Variants in LNPEP observed in about 807,000 individuals in gnomAD.
LNPEP encodes leucyl-cystinyl aminopeptidase.
LNPEP carries 64 observed loss-of-function variants against 120.6 expected under a neutral mutation model. The ratio of observed to expected loss-of-function variants is 0.53; its 90% CI spans 0.43 to 0.65. LNPEP has a LOEUF of 0.65. LNPEP is among the 30% of genes least tolerant of loss of function. The probability of loss-of-function intolerance (pLI) is 0.00; values close to 1 mark genes in which losing one functional copy is unlikely to be tolerated. For missense variants in LNPEP, 1,057 were observed against 1,200.0 expected (o/e 0.88, Z 1.76); for synonymous variants, 435 against 425.4 (o/e 1.02, Z -0.28).
Position 96,986,532 on chromosome 5 carries a change from C to CTTT in LNPEP, c.1000-5_1000-4insTTT, listed in dbSNP as rs1790248575. 1 of 1,610,588 alleles carries CTTT rather than the reference C, an allele frequency of 6.2e-7. No homozygotes were observed. ...TTACAGAACTGTCTTTTCCCCTTTG[C>CTTT]TTGTAGAAGTCATCAGTCGTTCTAG... On this transcript the variant is annotated splice_region_variant and splice_polypyrimidine_tract_variant and intron_variant, in intron 3 of 17. Coordinates refer to ENST00000231368, the MANE Select transcript of LNPEP (RefSeq NM_005575.3).
chr5:97,025,273 G>A (rs1407098782), intron 15 of LNPEP, among the ~76,000 whole-genome samples: 3 of 152,184 alleles, frequency 2.0e-5, no homozygotes, highest in Admixed American at 2.0e-4. Context: ...GAGCACAGGT[G>A]TTAGAAGTCG....
Position 97,027,924 on chromosome 5 carries a change from T to C in LNPEP, c.2946+110T>C. On this transcript the variant is annotated intron_variant, in intron 17 of 17. Transcript: ENST00000231368. ...ATTTTCATGCTAATTCCTTCTCTTATCTCTGTCTTCCTTTATCAGTACTAA... is the reference window on the plus strand; with the variant it reads ...ATTTTCATGCTAATTCCTTCTCTTACCTCTGTCTTCCTTTATCAGTACTAA... The C allele has an allele frequency of 4.3e-6, 3 of 703,422 alleles. No individual in the cohort carries two copies. The South Asian group carries it at 4.9e-5, about 11-fold the overall frequency. 43.6% of individuals were successfully genotyped at this position (703,422 alleles called of 1,614,324 possible).
At position 96,964,956 on chromosome 5, in the gene LNPEP, C is replaced by T. The variant is rs577383008; in HGVS notation, c.20-14182C>T. On this transcript the variant is annotated intron_variant, in intron 1 of 17. Transcript: ENST00000231368. ...CTGGTGTTGCAGTTTTTTGTTGATACATAATAGTTATACATATTTTTAGAA... is the reference window on the plus strand; with the variant it reads ...CTGGTGTTGCAGTTTTTTGTTGATATATAATAGTTATACATATTTTTAGAA... Among the ~76,000 whole-genome samples the T allele has an allele frequency of 1.6e-3, 238 of 152,142 alleles. 1 individual carries two copies. The highest frequency in any genetic ancestry group is 2.2e-3 in the Non-Finnish European group (151 of 67,960).
At chr5:96,952,544 T>C (rs1249069948) in intron 1 of LNPEP, among the ~76,000 whole-genome samples, 1 of 152,172 alleles carries the variant, frequency 6.6e-6, no homozygotes, top group Non-Finnish European at 1.5e-5. Flanking sequence ...TTTCTTAAGA[T>C]AGATCTAGGT....
chr5:96,946,485 G>T (rs1040160223), intron 1 of LNPEP, among the ~76,000 whole-genome samples: 1 of 152,198 alleles, frequency 6.6e-6, no homozygotes, highest in Non-Finnish European at 1.5e-5. Context: ...GTTCACTGCA[G>T]TTGGGCATAA....
chr5:96,946,081 TG>T (rs1789179956), intron 1 of LNPEP, among the ~76,000 whole-genome samples: 1 of 152,226 alleles, frequency 6.6e-6, no homozygotes, highest in South Asian at 2.1e-4. Flanking sequence ...GAGGAGCTAG[TG>T]TGTCCACATT....
chr5:96,979,691 G>T lies in LNPEP; in HGVS notation c.573G>T (p.Arg191Ser), dbSNP rs1428237321. 6.2e-7 allele frequency: 1 copy of T among 1,613,904 alleles called. No individual in the cohort carries two copies. The highest frequency in any genetic ancestry group is 1.3e-5 in the African/African-American group (1 of 74,896). The change falls in exon 2 of 18, where the codon AGG (arginine) becomes AGT (serine). Residue 191 changes from arginine (R) to serine (S), a missense_variant. Coordinates refer to ENST00000231368, the MANE Select transcript of LNPEP (RefSeq NM_005575.3). ...LHPNLTSMTF[R>S]GSVTISVQAL... Reference sequence around the variant, plus strand: ...CGAACCTAACCTCGATGACATTCAGGGGTTCTGTGACAATTTCAGTTCAGG... The same window carrying T: ...CGAACCTAACCTCGATGACATTCAGTGGTTCTGTGACAATTTCAGTTCAGG...
intron 1 of LNPEP, among the ~76,000 whole-genome samples, chr5:96,955,041 CA>C (rs1227358147): frequency 1.1e-4 from 16 of 150,018 alleles, no homozygotes; most frequent in Non-Finnish European, 2.1e-4. Flanking sequence ...CTCGGCCTCC[CA>C]AAGTGCTGGG....
chr5:97,015,013 TCACC>T lies in LNPEP; in HGVS notation c.2295_2298del (p.Ile765MetfsTer27). On this transcript the variant is annotated frameshift_variant, in exon 13 of 18. Transcript: ENST00000231368. LOFTEE classifies it high-confidence loss of function. ...GGAAATGAGAACCATACTGCACCCA[TCACC>T]GAAGCCCTGTTTCAGACAGACCTCA... The T allele has an allele frequency of 6.2e-7, 1 of 1,604,898 alleles. No individual in the cohort carries two copies. Among genetic ancestry groups the T allele is most frequent in the Non-Finnish European group, 8.5e-7 (1 of 1,175,136 alleles).
At position 96,979,297 on chromosome 5, in the gene LNPEP, A is replaced by T. The variant is rs141632351; in HGVS notation, c.179A>T (p.Glu60Val). Reference protein sequence around the residue: ...GSRLLVRGLGEHEMEEDEEDY... With the variant: ...GSRLLVRGLGVHEMEEDEEDY... ...CGACTGCTGGTGCGGGGTCTTGGTG[A>T]GCATGAGATGGAGGAGGATGAAGAG... The change falls in exon 2 of 18, where the codon GAG becomes GTG. Residue 60 changes from glutamate (E) to valine (V), a missense_variant. Coordinates refer to ENST00000231368, the MANE Select transcript of LNPEP (RefSeq NM_005575.3). 18 of 1,613,908 alleles carry T rather than the reference A, an allele frequency of 1.1e-5. No individual in the cohort carries two copies. The highest frequency in any genetic ancestry group is 1.5e-5 in the Non-Finnish European group (18 of 1,179,950).
chr5:96,973,227 G>A (rs1439999919), intron 1 of LNPEP, among the ~76,000 whole-genome samples: 1 of 152,034 alleles, frequency 6.6e-6, no homozygotes, highest in East Asian at 1.9e-4. Context: ...CTTTGAGTAT[G>A]GGTTTAGCGG....
At chr5:96,976,327 T>C (rs1789993308) in intron 1 of LNPEP, among the ~76,000 whole-genome samples, 1 of 152,162 alleles carries the variant, frequency 6.6e-6, no homozygotes, top group Non-Finnish European at 1.5e-5. Context: ...AAGATTAAAA[T>C]TCTACGTTGG....
chr5:96,956,184 C>G (rs1789462265), intron 1 of LNPEP, among the ~76,000 whole-genome samples: 1 of 152,190 alleles, frequency 6.6e-6, no homozygotes, highest in Non-Finnish European at 1.5e-5. Context: ...ATTCTGAATA[C>G]AGGCTTATAC....
chr5:97,006,344 C>T, intron 10 of LNPEP, 83 bp from the exon 11 acceptor site: 2 of 1,239,874 alleles, frequency 1.6e-6, no homozygotes, highest in Non-Finnish European at 2.3e-6. Flanking sequence ...TTATCCCTTC[C>T]TAGGAATAGC....
At chr5:97,008,662 C>CTTT (rs757725207) in intron 11 of LNPEP, among the ~76,000 whole-genome samples, 35,899 of 85,146 alleles carry the variant, frequency 0.42, 8,513 homozygotes, top group South Asian at 0.51. Flanking sequence ...CCTCTTTACT[C>CTTT]TTTTTTTTTT....
At chr5:96,988,730 T>C (rs1790303966) in intron 4 of LNPEP, among the ~76,000 whole-genome samples, 1 of 151,998 alleles carries the variant, frequency 6.6e-6, no homozygotes, top group African/African-American at 2.4e-5. Context: ...TCCCAAGTCA[T>C]TGGGACTACA....
At chr5:96,992,126 C>G (rs1211159681) in intron 4 of LNPEP, among the ~76,000 whole-genome samples, 1 of 151,984 alleles carries the variant, frequency 6.6e-6, no homozygotes, top group East Asian at 1.9e-4. Context: ...TATAGTTTGT[C>G]GCATCATATA....
intron 1 of LNPEP, among the ~76,000 whole-genome samples, chr5:96,944,607 C>T (rs1278138014): frequency 2.0e-5 from 2 of 101,788 alleles, no homozygotes; most frequent in East Asian, 3.4e-4. Context: ...CTCATTCTGT[C>T]ACCCAGACTG....
At chr5:96,941,311 C>T (rs7723220) in intron 1 of LNPEP, among the ~76,000 whole-genome samples, 14 of 152,182 alleles carry the variant, frequency 9.2e-5, no homozygotes, top group African/African-American at 3.4e-4. Flanking sequence ...CTGCTGCTCA[C>T]TCCTGCTGTG....
Sources: allele counts gnomAD v4.1 joint callset (sites outside exome capture counted in the v4.1 genomes callset), GRCh38; gene constraint gnomAD v4.1.1; transcripts MANE v1.5; gene names NCBI Gene and HGNC (gene_info 2026-07-23, HGNC 2026-07-21).